Variants in CTDSP1 observed in about 807,000 individuals in gnomAD.
CTDSP1 encodes CTD small phosphatase 1, also known as carboxy-terminal domain RNA polymerase II polypeptide A small phosphatase 1.
Under a neutral mutation model 32.5 loss-of-function variants are expected in CTDSP1, and 15 were observed. That is an observed-to-expected ratio of 0.46 (90% CI 0.31 to 0.71). The LOEUF (loss-of-function observed/expected upper bound fraction) is 0.71. Ranked by LOEUF, CTDSP1 falls within the 30% of genes least tolerant of loss-of-function variation. CTDSP1 has a pLI of 0.05. For missense variants in CTDSP1, 294 were observed against 351.1 expected (o/e 0.84, Z 1.30); for synonymous variants, 185 against 145.4 (o/e 1.27, Z -1.96).
Position 218,402,111 on chromosome 2 carries a change from C to T in CTDSP1, c.217C>T (p.Gln73Ter). The part of the protein sequence containing the change: ...LVEENGAIPK[Q>*]TPVQYLLPEA... ...CCAGCCAGCCCCGCCCTCCCTACAGCAGACCCCAGTCCAATACCTGCTCCC... is the reference window on the plus strand; with the variant it reads ...CCAGCCAGCCCCGCCCTCCCTACAGTAGACCCCAGTCCAATACCTGCTCCC... The change falls in exon 3 of 7, where the codon CAG becomes TAG. Residue 73 changes from glutamine to a stop codon, truncating the protein, a stop_gained and splice_region_variant. Transcript: ENST00000273062. LOFTEE classifies it high-confidence loss of function. The T allele has an allele frequency of 6.2e-7, 1 of 1,610,510 alleles. No homozygotes were observed. Among genetic ancestry groups the T allele is most frequent in the Non-Finnish European group, 8.5e-7 (1 of 1,177,708 alleles).
intron 1 of CTDSP1, 80 bp downstream of exon 1, chr2:218,400,237 C>A: frequency 1.6e-6 from 2 of 1,269,288 alleles, no homozygotes; most frequent in Admixed American, 2.6e-5. Context: ...CCAGGGGAGC[C>A]GCCGCCGCCG....
At chr2:218,400,586 A>AG in intron 1 of CTDSP1, 2 of 369,192 alleles carry the variant, frequency 5.4e-6, no homozygotes, top group Non-Finnish European at 5.3e-6. Flanking sequence ...GGGTCTTGGG[A>AG]GGGGGCGCCG....
At chr2:218,397,940 A>G (rs1290224591), upstream of CTDSP1, among the ~76,000 whole-genome samples, 1 of 152,172 alleles carries the variant, frequency 6.6e-6, no homozygotes, top group Non-Finnish European at 1.5e-5. Flanking sequence ...AAGTGGCGAT[A>G]AGATGGGGTG....
At chr2:218,398,356 C>T, upstream of CTDSP1, 1 of 1,475,606 alleles carries the variant, frequency 6.8e-7, no homozygotes, top group Non-Finnish European at 9.2e-7. Context: ...GGGGGCGCAG[C>T]CAGAGCAGGC....
chr2:218,402,600 T>G, intron 4 of CTDSP1, 195 bp downstream of exon 4: 3 of 758,746 alleles, frequency 4.0e-6, no homozygotes, highest in Non-Finnish European at 7.3e-6. Flanking sequence ...CAGAGTGGGC[T>G]CCTCCTCTAG....
At chr2:218,401,981 G>C in intron 2 of CTDSP1, 130 bp from the exon 3 acceptor site, 1 of 737,200 alleles carries the variant, frequency 1.4e-6, no homozygotes, top group South Asian at 1.7e-5. Context: ...CAGGGGCAAA[G>C]CTGGGAAGGG....
At chr2:218,400,249 C>T (rs1427695038) in intron 1 of CTDSP1, 92 bp downstream of exon 1, 14 of 1,225,172 alleles carry the variant, frequency 1.1e-5, no homozygotes, top group Admixed American at 2.6e-5. Context: ...CCGCCGCCGC[C>T]CCGGGCGGCC....
chr2:218,401,360 T>G lies in CTDSP1; in HGVS notation c.68-204T>G, dbSNP rs1301251348. 5 of 604,776 alleles carry G rather than the reference T, an allele frequency of 8.3e-6. No individual in the cohort carries two copies. The African/African-American group carries it at 9.3e-5, about 11-fold the overall frequency. The allele number at this position is 604,776 out of a possible 1,614,324, so 37.5% of individuals were successfully genotyped here. On this transcript the variant is annotated intron_variant, in intron 1 of 6. Coordinates refer to ENST00000273062, the MANE Select transcript of CTDSP1 (RefSeq NM_021198.3). ...GCGCCTTAATACCTGCTAGACCTAT[T>G]TGTCTGGGAGCTGCAGGAGCCTTGC... is the stretch of plus-strand genomic sequence containing the variant.
upstream of CTDSP1, among the ~76,000 whole-genome samples, chr2:218,397,403 G>A (rs2106344900): frequency 6.6e-6 from 1 of 152,218 alleles, no homozygotes; most frequent in Non-Finnish European, 1.5e-5. Context: ...TCCCAGGGAG[G>A]GCGTGGTCGC....
chr2:218,399,980 T>TGG lies in CTDSP1; in HGVS notation c.-111_-110insGG. ...CCCTCCCCTCCGGAGCTCGCGGGGA[T>TGG]CCCTCCCTCCCACCCCTCCCCTCCC... On this transcript the variant is annotated 5_prime_UTR_variant, in exon 1 of 7. The change creates a new upstream start codon in the 5' untranslated region. Transcript: ENST00000273062. The TGG allele has an allele frequency of 5.3e-6, 5 of 946,486 alleles. No individual in the cohort carries two copies. Among genetic ancestry groups the TGG allele is most frequent in the Non-Finnish European group, 6.5e-6 (5 of 770,542 alleles). 58.6% of individuals were successfully genotyped at this position (946,486 alleles called of 1,614,324 possible).
rs761642308 is a variant in CTDSP1, at chr2:218,404,436, G to A, written c.*11G>A. 6 of 1,613,708 alleles carry A rather than the reference G, an allele frequency of 3.7e-6. No homozygotes were observed. The highest frequency in any genetic ancestry group is 2.2e-5 in the East Asian group (1 of 44,896). ...CGGCCAGGGAGCTAGTGAGGGTGAT[G>A]GGGCCAGGACCTGCCCCTGACCAAT... is the stretch of plus-strand genomic sequence containing the variant. On this transcript the variant is annotated 3_prime_UTR_variant, in exon 7 of 7. Coordinates refer to ENST00000273062, the MANE Select transcript of CTDSP1 (RefSeq NM_021198.3).
chr2:218,400,213 G>T, intron 1 of CTDSP1, 56 bp downstream of exon 1: 1 of 1,477,906 alleles, frequency 6.8e-7, no homozygotes, highest in East Asian at 2.5e-5. Flanking sequence ...GGAGAGAAGG[G>T]GCCGGGATCT....
At position 218,404,643 on chromosome 2, in the gene CTDSP1, C is replaced by T. The variant is rs962665367; in HGVS notation, c.*218C>T. ...CAGGCCCCGTGTCAGTGCCTTCAAA[C>T]CTCCTCCCCTATTCTCAGGGGACCT... On this transcript the variant is annotated 3_prime_UTR_variant, in exon 7 of 7. Coordinates refer to ENST00000273062, the MANE Select transcript of CTDSP1 (RefSeq NM_021198.3). 11 of 542,260 alleles carry T rather than the reference C, an allele frequency of 2.0e-5. No homozygotes were observed. The highest frequency in any genetic ancestry group is 3.6e-5 in the Non-Finnish European group (11 of 309,522). 33.6% of individuals were successfully genotyped at this position (542,260 alleles called of 1,614,324 possible).
chr2:218,399,721 G>C (rs1697002268), upstream of CTDSP1: 1 of 997,890 alleles, frequency 1.0e-6, no homozygotes, highest in Non-Finnish European at 1.2e-6. Context: ...CCCCTGGAGC[G>C]CGGCAGGAAC....
At chr2:218,402,901 G>C in intron 4 of CTDSP1, 134 bp from the exon 5 acceptor site, 1 of 699,332 alleles carries the variant, frequency 1.4e-6, no homozygotes, top group Non-Finnish European at 2.6e-6. Context: ...GGTCAGGGTA[G>C]CTGGCCAAGC....
intron 3 of CTDSP1, 56 bp from the exon 4 acceptor site, chr2:218,402,293 G>C: frequency 6.2e-7 from 1 of 1,612,502 alleles, no homozygotes; most frequent in Non-Finnish European, 8.5e-7. Flanking sequence ...GGTGTGTGCT[G>C]GACCCCATGC....
In CTDSP1 at chr2:218,404,362, C is replaced by T. The variant is rs775247094; in HGVS notation, c.723C>T (p.Phe241=). 1.8e-5 allele frequency: 29 copies of T among 1,614,048 alleles called. No homozygotes were observed. The highest frequency in any genetic ancestry group is 6.7e-5 in the Admixed American group (4 of 60,004). Residue 241 remains phenylalanine (F), a synonymous_variant, in exon 7 of 7, where the codon TTC becomes TTT. Coordinates refer to ENST00000273062, the MANE Select transcript of CTDSP1 (RefSeq NM_021198.3). ...DTELHDLLPF[F]EQLSRVDDVY... is the part of the protein sequence containing the mutation. Reference sequence around the variant, plus strand: ...AGCTCCACGACCTCCTCCCCTTCTTCGAGCAACTCAGCCGTGTGGACGACG... The same window carrying T: ...AGCTCCACGACCTCCTCCCCTTCTTTGAGCAACTCAGCCGTGTGGACGACG...
intron 6 of CTDSP1, chr2:218,403,803 G>A (rs1015884083): frequency 5.2e-6 from 1 of 193,704 alleles, no homozygotes; most frequent in Non-Finnish European, 1.1e-5. Context: ...GCTCATGCCT[G>A]TAATCCCAGC....
In CTDSP1 at chr2:218,400,101, C is replaced by T. The variant is rs1697034271; in HGVS notation, c.11C>T (p.Ser4Leu). The T allele has an allele frequency of 1.3e-6, 2 of 1,536,462 alleles. No homozygotes were observed. Among genetic ancestry groups the T allele is most frequent in the Admixed American group, 2.0e-5 (1 of 49,490 alleles). ...AGCGCGCCCGGCCCCATGGACAGCT[C>T]GGCCGTCATTACTCAGATCAGCAAG... MDS[S>L]AVITQISKEE... The change falls in exon 1 of 7, where the codon TCG becomes TTG. Residue 4 changes from serine (S) to leucine (L), a missense_variant. Physicochemically the swap from Ser to Leu is moderately radical, Grantham distance 145. Coordinates refer to ENST00000273062, the MANE Select transcript of CTDSP1 (RefSeq NM_021198.3).
Sources: gnomAD v4.1 joint callset for allele counts (sites outside exome capture counted in the v4.1 genomes callset) on GRCh38, gnomAD v4.1.1 for gene constraint, MANE v1.5 for transcripts, NCBI Gene and HGNC (gene_info 2026-07-23, HGNC 2026-07-21) for gene names.